Variants in RPAP2 observed in about 807,000 individuals in gnomAD.
RPAP2 encodes putative RNA polymerase II subunit B1 CTD phosphatase RPAP2.
In RPAP2, 52 loss-of-function variants were observed where a neutral mutation model predicts 73.1. That is an observed-to-expected ratio of 0.71 (90% CI 0.57 to 0.90). The LOEUF is 0.90. Ranked by LOEUF, RPAP2 falls within the 40% of genes least tolerant of loss-of-function variation. RPAP2 has a pLI of 0.00. For missense variants in RPAP2, 598 were observed against 701.8 expected (o/e 0.85, Z 1.67); for synonymous variants, 225 against 242.1 (o/e 0.93, Z 0.65).
intron 12 of RPAP2, among the ~76,000 whole-genome samples, chr1:92,384,951 A>G (rs1557636474): frequency 2.0e-5 from 3 of 151,572 alleles, no homozygotes; most frequent in African/African-American, 7.3e-5. Flanking sequence ...GGAGTTCAAG[A>G]CCAGTCTGGC....
chr1:92,342,710 C>T (rs1159551053), intron 10 of RPAP2, among the ~76,000 whole-genome samples: 1 of 151,986 alleles, frequency 6.6e-6, no homozygotes, highest in Admixed American at 6.6e-5. Context: ...GTGATCAGAT[C>T]CTATTTTGAA....
Position 92,383,814 on chromosome 1 carries a change from G to T in RPAP2, c.1838+2941G>T, listed in dbSNP as rs930598759. On this transcript the variant is annotated intron_variant, in intron 12 of 12. Transcript: ENST00000610020. ...TTCCAACGCTATGTTGAATAGGAGT[G>T]GTGAGAGAGGGCATCCCTGTCTTGT... 6.6e-5 allele frequency among the ~76,000 whole-genome samples: 10 copies of T among 152,134 alleles called. No homozygotes were observed. In the East Asian group the frequency reaches 1.5e-3, roughly 23 times the overall value.
rs1258779692 is a variant in RPAP2, at chr1:92,390,545, T to C, written c.*3534T>C. On this transcript the variant is annotated 3_prime_UTR_variant, in exon 13 of 13. Coordinates refer to ENST00000610020, the MANE Select transcript of RPAP2 (RefSeq NM_024813.3). Reference sequence around the variant, plus strand: ...ACAGGATCAAATTCCCACATAACAATATTAACCTTAAATGTAAATGGGATA... The same window carrying C: ...ACAGGATCAAATTCCCACATAACAACATTAACCTTAAATGTAAATGGGATA... 6.6e-6 allele frequency: 1 copy of C among 152,142 alleles called. No individual in the cohort carries two copies. Among genetic ancestry groups the C allele is most frequent in the Non-Finnish European group, 1.5e-5 (1 of 68,024 alleles). The allele number at this position is 152,142 out of a possible 1,614,324, so 9.4% of individuals were successfully genotyped here.
chr1:92,341,540 G>T (rs1003848085), intron 10 of RPAP2, among the ~76,000 whole-genome samples: 1 of 152,156 alleles, frequency 6.6e-6, no homozygotes, highest in Non-Finnish European at 1.5e-5. Flanking sequence ...CCAGTGCGTG[G>T]AACAGTGATA....
At chr1:92,375,020 TGC>T (rs1251726587) in intron 11 of RPAP2, among the ~76,000 whole-genome samples, 2 of 152,138 alleles carry the variant, frequency 1.3e-5, no homozygotes, top group Non-Finnish European at 2.9e-5. Flanking sequence ...AAGGAATCTG[TGC>T]TATTAAGTAA....
intron 10 of RPAP2, 80 bp from the exon 11 acceptor site, chr1:92,345,766 T>C (rs1653856450): frequency 1.1e-6 from 1 of 890,446 alleles, no homozygotes; most frequent in African/African-American, 1.7e-5. Context: ...CACATTATTA[T>C]AAATCTGATG....
intron 1 of RPAP2, among the ~76,000 whole-genome samples, chr1:92,299,851 A>C (rs1368607630): frequency 6.6e-6 from 1 of 152,126 alleles, no homozygotes; most frequent in Non-Finnish European, 1.5e-5. Context: ...GTTTGTGTAG[A>C]CCTGACCTAC....
chr1:92,348,895 G>A (rs1432238489), intron 11 of RPAP2, among the ~76,000 whole-genome samples: 2 of 152,142 alleles, frequency 1.3e-5, no homozygotes, highest in Non-Finnish European at 2.9e-5. Context: ...AGCAAAAACA[G>A]GCATGAAGGC....
At chr1:92,378,423 C>G (rs751998930) in intron 11 of RPAP2, among the ~76,000 whole-genome samples, 2 of 152,026 alleles carry the variant, frequency 1.3e-5, no homozygotes, top group Non-Finnish European at 2.9e-5. Flanking sequence ...CCATGTTGGC[C>G]AGGCTGGTTT....
At chr1:92,311,275 A>G (rs1254964568) in intron 6 of RPAP2, among the ~76,000 whole-genome samples, 1 of 152,164 alleles carries the variant, frequency 6.6e-6, no homozygotes, top group African/African-American at 2.4e-5. Context: ...TTTGGTTCTA[A>G]TGATTTACAG....
chr1:92,360,119 T>G (rs1654663835), intron 11 of RPAP2, among the ~76,000 whole-genome samples: 1 of 152,250 alleles, frequency 6.6e-6, no homozygotes, highest in African/African-American at 2.4e-5. Context: ...ATATGTACTT[T>G]GCACTGCAGT....
chr1:92,385,390 T>C (rs1478802094), intron 12 of RPAP2, among the ~76,000 whole-genome samples: 2 of 152,190 alleles, frequency 1.3e-5, no homozygotes. Flanking sequence ...CTATGATCAT[T>C]ATTTATTTAC....
At chr1:92,312,628 A>C (rs879686980) in intron 6 of RPAP2, among the ~76,000 whole-genome samples, 1 of 152,136 alleles carries the variant, frequency 6.6e-6, no homozygotes, top group Non-Finnish European at 1.5e-5. Context: ...AGATTGATGC[A>C]ATTCAGTCAC....
In RPAP2 at chr1:92,390,237, T is replaced by A. The variant is rs899298152; in HGVS notation, c.*3226T>A. Reference sequence around the variant, plus strand: ...CAAGCCAGAAGAGAATGGGGGCCAATATTCAACATTCTTAAAGAAAAGAAT... The same window carrying A: ...CAAGCCAGAAGAGAATGGGGGCCAAAATTCAACATTCTTAAAGAAAAGAAT... On this transcript the variant is annotated 3_prime_UTR_variant, in exon 13 of 13. Transcript: ENST00000610020. 2 of 152,210 alleles carry A rather than the reference T, an allele frequency of 1.3e-5. No individual in the cohort carries two copies. The highest frequency in any genetic ancestry group is 4.8e-5 in the African/African-American group (2 of 41,460). The allele number at this position is 152,210 out of a possible 1,614,324, so 9.4% of individuals were successfully genotyped here. A position where few individuals can be genotyped will look rare whatever the true frequency, so the allele number is the denominator to read the frequency against.
At chr1:92,304,209 A>G (rs1651051891) in intron 4 of RPAP2, 75 bp from the exon 5 acceptor site, 3 of 1,170,618 alleles carry the variant, frequency 2.6e-6, no homozygotes, top group South Asian at 2.6e-5. Flanking sequence ...TGATATGTAG[A>G]TGACTTAATC....
chr1:92,323,510 C>CTAGCG lies in RPAP2; in HGVS notation c.594_595insGTAGC (p.His199ValfsTer51), dbSNP rs748662163. 1 of 1,613,870 alleles carries CTAGCG rather than the reference C, an allele frequency of 6.2e-7. No individual in the cohort carries two copies. Among genetic ancestry groups the CTAGCG allele is most frequent in the African/African-American group, 1.3e-5 (1 of 75,022 alleles). On this transcript the variant is annotated frameshift_variant, in exon 8 of 13. Transcript: ENST00000610020. LOFTEE classifies it high-confidence loss of function. ...ATTAAAACATCAGATATCGACAATC[C>CTAGCG]TAGCCACTTTGAAAAGCAATATGAA...
intron 11 of RPAP2, among the ~76,000 whole-genome samples, chr1:92,349,730 C>T (rs1654102574): frequency 6.6e-6 from 1 of 152,032 alleles, no homozygotes; most frequent in Non-Finnish European, 1.5e-5. Flanking sequence ...GAGTTGAAGA[C>T]CAGCCTGAGC....
intron 11 of RPAP2, among the ~76,000 whole-genome samples, chr1:92,364,540 C>T (rs1380513701): frequency 2.0e-5 from 3 of 151,986 alleles, no homozygotes; most frequent in Non-Finnish European, 4.4e-5. Flanking sequence ...TGGATATCTC[C>T]CAAGCATTTC....
intron 3 of RPAP2, among the ~76,000 whole-genome samples, chr1:92,302,484 ATAT>A (rs1394652562): frequency 6.6e-6 from 1 of 151,750 alleles, no homozygotes; most frequent in African/African-American, 2.4e-5. Context: ...TAACAGAAGA[ATAT>A]TATTTTTGTC....
Sources: allele counts gnomAD v4.1 joint callset (sites outside exome capture counted in the v4.1 genomes callset), GRCh38; gene constraint gnomAD v4.1.1; transcripts MANE v1.5; gene names NCBI Gene and HGNC (gene_info 2026-07-23, HGNC 2026-07-21).